The following GDPD4 variants were observed in gnomAD, a reference collection of about 807,000 sequenced individuals.
GDPD4 encodes the protein glycerophosphodiester phosphodiesterase domain containing 4.
In GDPD4, 60 loss-of-function variants were observed where a neutral mutation model predicts 67.8. The ratio of observed to expected loss-of-function variants is 0.88; its 90% CI spans 0.72 to 1.10. The LOEUF (loss-of-function observed/expected upper bound fraction) is 1.10. GDPD4 is among the 50% of genes least tolerant of loss of function. The pLI is 0.00. For missense variants in GDPD4, 623 were observed against 613.9 expected (o/e 1.01, Z -0.16); for synonymous variants, 212 against 210.9 (o/e 1.00, Z -0.04).
intron 16 of GDPD4, among the ~76,000 whole-genome samples, chr11:77,220,049 G>C (rs1958197579): frequency 6.6e-6 from 1 of 152,016 alleles, no homozygotes; most frequent in Admixed American, 6.6e-5. Flanking sequence ...GAGACTATGG[G>C]GTGATTTTGT....
At chr11:77,276,705 C>A (rs1959486902) in intron 4 of GDPD4, among the ~76,000 whole-genome samples, 1 of 152,036 alleles carries the variant, frequency 6.6e-6, no homozygotes. Flanking sequence ...ATAGATTCAA[C>A]AAATCTTGGA....
chr11:77,297,060 C>CAAAAAAAAAA (rs538534637), intron 1 of GDPD4, among the ~76,000 whole-genome samples: 1 of 116,594 alleles, frequency 8.6e-6, no homozygotes, highest in Non-Finnish European at 1.8e-5. Flanking sequence ...TCAAAAAAAA[C>CAAAAAAAAAA]AAAAAAAAAA....
chr11:77,254,854 G>T (rs1178793878), intron 11 of GDPD4, among the ~76,000 whole-genome samples: 2 of 152,082 alleles, frequency 1.3e-5, no homozygotes, highest in Non-Finnish European at 2.9e-5. Context: ...TCACCACCAT[G>T]ATCAATCAAT....
chr11:77,255,164 A>C, intron 11 of GDPD4, among the ~76,000 whole-genome samples: 1 of 102,670 alleles, frequency 9.7e-6, no homozygotes, highest in Non-Finnish European at 2.3e-5. Flanking sequence ...AGAGCTATTA[A>C]TGCTAAAAAA....
At chr11:77,252,966 G>T (rs770382363) in intron 11 of GDPD4, among the ~76,000 whole-genome samples, 1 of 152,296 alleles carries the variant, frequency 6.6e-6, no homozygotes, top group African/African-American at 2.4e-5. Flanking sequence ...GGTCTGACAC[G>T]GCCTACAATC....
At chr11:77,263,529 G>A (rs1462207493) in intron 10 of GDPD4, among the ~76,000 whole-genome samples, 2 of 152,090 alleles carry the variant, frequency 1.3e-5, no homozygotes, top group Non-Finnish European at 2.9e-5. Context: ...CAGGAAAGGA[G>A]AAAACAACAA....
intron 11 of GDPD4, among the ~76,000 whole-genome samples, chr11:77,249,347 G>A (rs11237150): frequency 0.19 from 29,086 of 150,722 alleles, 3,709 homozygotes; most frequent in Non-Finnish European, 0.27. Flanking sequence ...ATTGTTTTTC[G>A]AAGCCTCAGA....
Position 77,227,869 on chromosome 11 carries a change from C to A in GDPD4, c.1520G>T (p.Arg507Leu). Residue 507 changes from arginine (R) to leucine (L), a missense_variant, in exon 16 of 17, where the codon CGC becomes CTC. Physicochemically the swap from Arg to Leu is moderately radical, Grantham distance 102 (BLOSUM62 -2). Coordinates refer to ENST00000315938, the MANE Select transcript of GDPD4 (RefSeq NM_182833.3). ...GGCTAGGCCTCTGACTTTACCTGTG[C>A]GAGTGCTGGAGGTTTCAAACAATTT... ...KEKLFETSST[R>L]TDTQSGSKNE... 6.2e-7 allele frequency: 1 copy of A among 1,612,308 alleles called. No individual in the cohort carries two copies. The highest frequency in any genetic ancestry group is 1.7e-5 in the Admixed American group (1 of 60,010).
At chr11:77,222,901 C>A (rs965616913) in intron 16 of GDPD4, among the ~76,000 whole-genome samples, 2 of 152,190 alleles carry the variant, frequency 1.3e-5, no homozygotes, top group Non-Finnish European at 2.9e-5. Context: ...TTCACGTAGT[C>A]CCATATTTCT....
intron 4 of GDPD4, 51 bp from the exon 5 acceptor site, chr11:77,276,271 C>T: frequency 7.2e-7 from 1 of 1,386,422 alleles, no homozygotes; most frequent in Non-Finnish European, 1.0e-6. Flanking sequence ...ACCAAGTTGC[C>T]ACCCAAAGCA....
intron 5 of GDPD4, among the ~76,000 whole-genome samples, chr11:77,274,790 G>A (rs1440588921): frequency 6.6e-6 from 1 of 152,138 alleles, no homozygotes; most frequent in Non-Finnish European, 1.5e-5. Context: ...ACAAGAAATG[G>A]TATCAACACT....
chr11:77,233,253 G>C lies in GDPD4; in HGVS notation c.1242-81C>G, dbSNP rs1010475014. The C allele has an allele frequency of 5.8e-6, 8 of 1,377,238 alleles. No individual in the cohort carries two copies. The African/African-American group carries it at 1.1e-4, about 20-fold the overall frequency. The allele number at this position is 1,377,238 out of a possible 1,614,324, so 85.3% of individuals were successfully genotyped here. On this transcript the variant is annotated intron_variant, in intron 13 of 16. Transcript: ENST00000315938. The stretch of plus-strand genomic sequence containing the variant: ...TAAAAGGAGAACAGCCACCATGTTT[G>C]TGAAAGGCTGTTGCCTAAATCACCA...
chr11:77,220,839 CTTT>C (rs142371589), intron 16 of GDPD4, among the ~76,000 whole-genome samples: 38,018 of 151,974 alleles, frequency 0.25, 5,834 homozygotes, highest in South Asian at 0.43. Context: ...TGGTCCTGGA[CTTT>C]TTTTGGTTGG....
At chr11:77,258,625 T>C (rs1959051231) in intron 10 of GDPD4, 83 bp from the exon 11 acceptor site, 1 of 1,314,050 alleles carries the variant, frequency 7.6e-7, no homozygotes, top group Non-Finnish European at 1.1e-6. Flanking sequence ...AGACAGTCCT[T>C]CAAGGTCACA....
chr11:77,298,332 T>C (rs957504085), intron 1 of GDPD4, among the ~76,000 whole-genome samples: 1 of 152,038 alleles, frequency 6.6e-6, no homozygotes, highest in African/African-American at 2.4e-5. Context: ...ACCAACATGG[T>C]GAAACCCCGT....
chr11:77,252,456 A>G (rs1277517373), intron 11 of GDPD4, among the ~76,000 whole-genome samples: 1 of 152,022 alleles, frequency 6.6e-6, no homozygotes, highest in African/African-American at 2.4e-5. Context: ...ATTTTTTTGT[A>G]TCTCATGGAG....
At chr11:77,253,746 G>T (rs1958950621) in intron 11 of GDPD4, among the ~76,000 whole-genome samples, 1 of 152,158 alleles carries the variant, frequency 6.6e-6, no homozygotes, top group Admixed American at 6.5e-5. Flanking sequence ...CTGCCACACA[G>T]GGCTCTGACA....
At position 77,245,396 on chromosome 11, in the gene GDPD4, T is replaced by C. The variant is rs758148147; in HGVS notation, c.971A>G (p.Glu324Gly). Residue 324 changes from glutamate to glycine, a missense_variant, in exon 12 of 17, where the codon GAA (glutamate) becomes GGA (glycine). By Grantham distance (98) the Glu-to-Gly change is moderately conservative. Coordinates refer to ENST00000315938, the MANE Select transcript of GDPD4 (RefSeq NM_182833.3). Reference sequence around the variant, plus strand: ...AAGATCAAATATCACAAATTTTCTTTCCTTCTCTGCAAGTGTCAATAAATC... The same window carrying C: ...AAGATCAAATATCACAAATTTTCTTCCCTTCTCTGCAAGTGTCAATAAATC... ...LADLLTLAEK[E>G]RKFVIFDLHR... The C allele has an allele frequency of 6.2e-7, 1 of 1,614,188 alleles. No homozygotes were observed. The highest frequency in any genetic ancestry group is 8.5e-7 in the Non-Finnish European group (1 of 1,180,000).
intron 1 of GDPD4, among the ~76,000 whole-genome samples, chr11:77,289,831 AGGGGAAGGAAAG>A (rs1432000496): frequency 5.3e-4 from 28 of 52,934 alleles, no homozygotes; most frequent in African/African-American, 2.0e-3. Flanking sequence ...GGAGGGAGGG[AGGGGAAGGAAAG>A]GAGGGAGGGA....
Sources: allele counts gnomAD v4.1 joint callset (sites outside exome capture counted in the v4.1 genomes callset), GRCh38; gene constraint gnomAD v4.1.1; transcripts MANE v1.5; gene names NCBI Gene and HGNC (gene_info 2026-07-23, HGNC 2026-07-21).